ARID1B: variants seen among roughly 807,000 people sequenced by gnomAD.
ARID1B encodes AT-rich interaction domain 1B, also known as AT-rich interactive domain-containing protein 1B.
ARID1B carries 30 observed loss-of-function variants against 212.3 expected under a neutral mutation model. The ratio of observed to expected loss-of-function variants is 0.14; its 90% CI spans 0.11 to 0.19. ARID1B has a LOEUF of 0.19. Among genes scored for constraint, ARID1B ranks in the 10% least tolerant of loss-of-function variants. The pLI is 1.00. For missense variants in ARID1B, 2,891 were observed against 3,204.0 expected, an observed-to-expected ratio of 0.90 and a Z score of 2.36; for synonymous variants, 1,402 against 1,301.7, an observed-to-expected ratio of 1.08 and a Z score of -1.66.
At chr6:157,173,814 A>G in intron 9 of ARID1B, 194 bp from the exon 10 acceptor site, 1 of 496,364 alleles carries the variant, frequency 2.0e-6, no homozygotes, top group Non-Finnish European at 3.5e-6. Flanking sequence ...TTTAGATAAA[A>G]AAGGATTTTG....
intron 1 of ARID1B, among the ~76,000 whole-genome samples, chr6:156,783,903 T>A (rs1022326405): frequency 2.0e-5 from 3 of 152,170 alleles, no homozygotes; most frequent in Non-Finnish European, 4.4e-5. Flanking sequence ...TCGTGTCACT[T>A]TTGTTTTGGA....
intron 6 of ARID1B, among the ~76,000 whole-genome samples, chr6:157,120,137 G>A (rs1010721774): frequency 1.3e-5 from 2 of 152,322 alleles, no homozygotes; most frequent in South Asian, 2.1e-4. Flanking sequence ...AGCGACGTAC[G>A]TACTTTGTCT....
chr6:157,141,312 G>A (rs924746896), intron 7 of ARID1B: 1 of 152,242 alleles, frequency 6.6e-6, no homozygotes, highest in Non-Finnish European at 1.5e-5. Context: ...ACATTGAAGT[G>A]ACACTGTAAG....
At chr6:156,998,800 C>T (rs1048836865) in intron 4 of ARID1B, among the ~76,000 whole-genome samples, 2 of 152,168 alleles carry the variant, frequency 1.3e-5, no homozygotes, top group Non-Finnish European at 2.9e-5. Context: ...TTCTCTGGGC[C>T]TCTATTCTGT....
At chr6:156,806,632 C>G (rs1402102529) in intron 1 of ARID1B, among the ~76,000 whole-genome samples, 1 of 152,180 alleles carries the variant, frequency 6.6e-6, no homozygotes, top group Non-Finnish European at 1.5e-5. Flanking sequence ...AGCAGAAGCA[C>G]AGTGACTTGG....
intron 3 of ARID1B, among the ~76,000 whole-genome samples, chr6:156,904,585 G>A (rs1021271973): frequency 2.0e-5 from 3 of 152,204 alleles, no homozygotes; most frequent in East Asian, 3.8e-4. Context: ...CCATCTGCAC[G>A]TGAGAGGACT....
chr6:157,064,474 G>T (rs994622045), intron 4 of ARID1B, among the ~76,000 whole-genome samples: 2 of 152,092 alleles, frequency 1.3e-5, no homozygotes, highest in African/African-American at 4.8e-5. Flanking sequence ...TTCTTCGATG[G>T]TTTGAGTGTA....
intron 4 of ARID1B, among the ~76,000 whole-genome samples, chr6:157,021,430 G>A (rs1246646091): frequency 6.6e-6 from 1 of 152,192 alleles, no homozygotes; most frequent in African/African-American, 2.4e-5. Flanking sequence ...GCGCGGAGGG[G>A]ACCGAGTCAC....
chr6:156,975,871 C>T (rs745516880), intron 4 of ARID1B, among the ~76,000 whole-genome samples: 37 of 151,946 alleles, frequency 2.4e-4, no homozygotes, highest in South Asian at 6.2e-4. Context: ...TGGGTGCAGG[C>T]GGGCTGAGTC....
At position 156,987,159 on chromosome 6, in the gene ARID1B, C is replaced by CAGAGAG. The variant is rs56189333; in HGVS notation, c.2247+51617_2247+51622dup. Among the ~76,000 whole-genome samples the CAGAGAG allele has an allele frequency of 3.0e-3, 429 of 141,616 alleles. 1 individual carries two copies. Among genetic ancestry groups the CAGAGAG allele is most frequent in the African/African-American group, 6.9e-3 (261 of 37,640 alleles). 92.9% of individuals were successfully genotyped at this position (141,616 alleles called of 152,430 possible). On this transcript the variant is annotated intron_variant, in intron 4 of 19. Coordinates refer to ENST00000636930, the MANE Select transcript of ARID1B (RefSeq NM_001374828.1). ...TGCCACTTCACTGTAGCCTCGGTGA[C>CAGAGAG]AGAGAGAGAGAGAGAGAGAGAGAGA...
chr6:157,174,895 C>G lies in ARID1B; in HGVS notation c.3394C>G (p.Leu1132Val). 6.5e-7 allele frequency: 1 copy of G among 1,548,602 alleles called. No individual in the cohort carries two copies. The highest frequency in any genetic ancestry group is 2.5e-5 in the East Asian group (1 of 39,428). ...GISQPPTPGN[L>V]PVPSPMSPSS... The stretch of plus-strand genomic sequence containing the variant: ...TTCTCAGCCCCCAACCCCAGGCAAC[C>G]TGCCAGTCCCTTCCCCAATGTCCCC... The change falls in exon 11 of 20, where the codon CTG becomes GTG. Residue 1132 changes from leucine (L) to valine (V), a missense_variant. By Grantham distance (32) the Leu-to-Val change is conservative. Coordinates refer to ENST00000636930, the MANE Select transcript of ARID1B (RefSeq NM_001374828.1).
intron 17 of ARID1B, among the ~76,000 whole-genome samples, chr6:157,199,402 G>A (rs1027036068): frequency 1.3e-5 from 2 of 152,048 alleles, no homozygotes; most frequent in Non-Finnish European, 2.9e-5. Flanking sequence ...TGGTTCACAG[G>A]TGACCATTGC....
rs550183265 is a variant in ARID1B at position 157,092,807 on chromosome 6, A to G, written c.2491+7902A>G. Among the ~76,000 whole-genome samples, 310 of 152,298 alleles carry G rather than the reference A, an allele frequency of 2.0e-3. 1 individual carries two copies. The highest frequency in any genetic ancestry group is 3.9e-3 in the Non-Finnish European group (262 of 68,020). ...AAAATACAAGAAAGCCTGTGTCACCAAGGCAATATTATGTGCCTTTTTCTT... is the reference window on the plus strand; with the variant it reads ...AAAATACAAGAAAGCCTGTGTCACCGAGGCAATATTATGTGCCTTTTTCTT... On this transcript the variant is annotated intron_variant, in intron 5 of 19. Transcript: ENST00000636930.
chr6:156,863,033 C>T lies in ARID1B; in HGVS notation c.1986+33612C>T, dbSNP rs142573228. ...CGTGAGATGATCCTGGAGACAGTGC[C>T]GGGTCATGGAGGATGTGAAGATTAA... On this transcript the variant is annotated intron_variant, in intron 2 of 19. Transcript: ENST00000636930. Among the ~76,000 whole-genome samples, 462 of 152,238 alleles carry T rather than the reference C, an allele frequency of 3.0e-3. 2 individuals carry two copies. Among genetic ancestry groups the T allele is most frequent in the Non-Finnish European group, 5.5e-3 (373 of 68,008 alleles).
chr6:156,954,668 T>C (rs768162557), intron 4 of ARID1B, among the ~76,000 whole-genome samples: 3 of 152,210 alleles, frequency 2.0e-5, no homozygotes, highest in Non-Finnish European at 4.4e-5. Flanking sequence ...TTTTTTTTGT[T>C]TGTTTTTTTA....
At chr6:156,906,623 A>G (rs1029202076) in intron 3 of ARID1B, among the ~76,000 whole-genome samples, 1 of 147,938 alleles carries the variant, frequency 6.8e-6, no homozygotes, top group Non-Finnish European at 1.5e-5. Flanking sequence ...CATTTTTGTC[A>G]TCAGCAAGTG....
chr6:156,806,792 A>G (rs1193277022), intron 1 of ARID1B, among the ~76,000 whole-genome samples: 1 of 152,234 alleles, frequency 6.6e-6, no homozygotes, highest in Admixed American at 6.5e-5. Flanking sequence ...ACGAAGGGCC[A>G]CATAGTAAAT....
chr6:157,063,266 C>G (rs745950758), intron 4 of ARID1B, among the ~76,000 whole-genome samples: 5 of 151,948 alleles, frequency 3.3e-5, no homozygotes, highest in Non-Finnish European at 5.9e-5. Flanking sequence ...GAAGGGGTGG[C>G]AGCTGGGGGG....
intron 6 of ARID1B, among the ~76,000 whole-genome samples, chr6:157,122,545 C>T (rs1787803032): frequency 6.6e-6 from 1 of 152,230 alleles, no homozygotes; most frequent in Admixed American, 6.5e-5. Context: ...GGATTCGCCT[C>T]TTAGCATGTG....
Sources: allele counts gnomAD v4.1 joint callset (sites outside exome capture counted in the v4.1 genomes callset), GRCh38; gene constraint gnomAD v4.1.1; transcripts MANE v1.5; gene names NCBI Gene and HGNC (gene_info 2026-07-23, HGNC 2026-07-21).